Variants in BABAM2 observed in about 807,000 individuals in gnomAD.
The protein encoded by BABAM2 is BRISC and BRCA1-A complex member 2.
Under a neutral mutation model 54.7 loss-of-function variants are expected in BABAM2, and 31 were observed. The ratio of observed to expected loss-of-function variants is 0.57; its 90% CI spans 0.43 to 0.77. BABAM2 has a LOEUF of 0.77. BABAM2 is among the 30% of genes least tolerant of loss of function. The pLI is 0.00. For synonymous variants in BABAM2, 167 were observed against 162.9 expected, an observed-to-expected ratio of 1.03 and a Z score of -0.19; for missense variants, 364 against 455.8, an observed-to-expected ratio of 0.80 and a Z score of 1.83.
intron 7 of BABAM2, among the ~76,000 whole-genome samples, chr2:28,229,157 GA>G (rs889282749): frequency 2.0e-5 from 3 of 152,118 alleles, no homozygotes; most frequent in Admixed American, 2.0e-4. Flanking sequence ...GTCACATGTG[GA>G]ACCAGATGTC....
rs142091682 is a variant in BABAM2 at position 28,159,414 on chromosome 2, A to G, written c.680+30034A>G. On this transcript the variant is annotated intron_variant, in intron 7 of 11. Coordinates refer to ENST00000379624, the MANE Select transcript of BABAM2 (RefSeq NM_199191.3). ...CTGCTATGGAGTCCAAGAAGGACTC[A>G]AAGAAAGGGTGACATCTGAATAAGA... Among the ~76,000 whole-genome samples, 1,057 of 152,332 alleles carry G rather than the reference A, an allele frequency of 6.9e-3. 1 individual carries two copies. The highest frequency in any genetic ancestry group is 9.2e-3 in the Non-Finnish European group (625 of 68,012).
chr2:28,019,244 C>T (rs1675077248), intron 4 of BABAM2, among the ~76,000 whole-genome samples: 1 of 152,170 alleles, frequency 6.6e-6, no homozygotes, highest in Admixed American at 6.5e-5. Context: ...TTTATCCAGT[C>T]TATCATTGAT....
intron 11 of BABAM2, among the ~76,000 whole-genome samples, chr2:28,328,863 A>G (rs552289652): frequency 6.6e-6 from 1 of 152,332 alleles, no homozygotes; most frequent in East Asian, 1.9e-4. Flanking sequence ...CCCCGCTGCC[A>G]GTCCCCAACC....
intron 1 of BABAM2, among the ~76,000 whole-genome samples, chr2:27,893,234 A>G (rs1350158662): frequency 1.3e-5 from 2 of 152,198 alleles, no homozygotes; most frequent in African/African-American, 4.8e-5. Context: ...TTAGAAATCT[A>G]TTAAGAAGAA....
chr2:28,328,687 G>A (rs956499427), intron 11 of BABAM2, among the ~76,000 whole-genome samples: 3 of 152,190 alleles, frequency 2.0e-5, no homozygotes, highest in Non-Finnish European at 4.4e-5. Flanking sequence ...CGTCCACGGG[G>A]CCGGGCTCTA....
At chr2:28,233,278 A>G in intron 7 of BABAM2, 1 of 471,222 alleles carries the variant, frequency 2.1e-6, no homozygotes, top group Non-Finnish European at 4.4e-6. Flanking sequence ...TTAGTGGGTT[A>G]GTCAGGCCCT....
intron 6 of BABAM2, among the ~76,000 whole-genome samples, chr2:28,069,086 A>G (rs546795600): frequency 6.6e-6 from 1 of 152,232 alleles, no homozygotes; most frequent in African/African-American, 2.4e-5. Flanking sequence ...ATCATCATCT[A>G]TTAGCCTGTT....
At chr2:28,315,421 T>C (rs1488420272) in intron 11 of BABAM2, among the ~76,000 whole-genome samples, 2 of 110,180 alleles carry the variant, frequency 1.8e-5, no homozygotes, top group African/African-American at 3.7e-5. Flanking sequence ...GTGTGGTTCT[T>C]TTTTCTTTTC....
intron 7 of BABAM2, among the ~76,000 whole-genome samples, chr2:28,182,627 C>A (rs1454756200): frequency 6.6e-6 from 1 of 152,150 alleles, no homozygotes; most frequent in Non-Finnish European, 1.5e-5. Flanking sequence ...GGGTTCCCAG[C>A]CTTGAGAAGA....
At chr2:28,193,601 G>C (rs916874135) in intron 7 of BABAM2, among the ~76,000 whole-genome samples, 2 of 152,150 alleles carry the variant, frequency 1.3e-5, no homozygotes, top group Non-Finnish European at 2.9e-5. Context: ...TTGTTCTCCT[G>C]CTCTGGATCC....
intron 11 of BABAM2, among the ~76,000 whole-genome samples, chr2:28,301,867 T>C (rs1688132059): frequency 6.6e-6 from 1 of 152,266 alleles, no homozygotes; most frequent in African/African-American, 2.4e-5. Flanking sequence ...TATATATCTT[T>C]TTTTAAAATT....
chr2:27,926,383 A>T (rs1667708316), intron 2 of BABAM2, among the ~76,000 whole-genome samples: 1 of 152,070 alleles, frequency 6.6e-6, no homozygotes, highest in Non-Finnish European at 1.5e-5. Context: ...TTTCTTCCCC[A>T]GATGTACCAA....
intron 7 of BABAM2, among the ~76,000 whole-genome samples, chr2:28,151,475 G>A (rs1413517971): frequency 6.6e-6 from 1 of 152,228 alleles, no homozygotes; most frequent in East Asian, 1.9e-4. Context: ...GAAGACTGAG[G>A]CAGAAGAATC....
At chr2:28,159,347 G>A (rs914758177) in intron 7 of BABAM2, among the ~76,000 whole-genome samples, 2 of 152,194 alleles carry the variant, frequency 1.3e-5, no homozygotes, top group African/African-American at 2.4e-5. Context: ...AGGTGTGCAC[G>A]TAGAACCATA....
chr2:27,892,213 A>G (rs769762165), intron 1 of BABAM2, among the ~76,000 whole-genome samples: 4 of 152,252 alleles, frequency 2.6e-5, no homozygotes, highest in South Asian at 2.1e-4. Flanking sequence ...TTAATTTTCT[A>G]TTTGTCAAGT....
At chr2:27,953,497 G>T (rs1669886796) in intron 3 of BABAM2, among the ~76,000 whole-genome samples, 1 of 151,962 alleles carries the variant, frequency 6.6e-6, no homozygotes, top group South Asian at 2.1e-4. Flanking sequence ...TCTATATGTT[G>T]CCCAGGCTGG....
intron 6 of BABAM2, among the ~76,000 whole-genome samples, chr2:28,083,972 T>C (rs1025198157): frequency 6.6e-6 from 1 of 152,202 alleles, no homozygotes; most frequent in Non-Finnish European, 1.5e-5. Context: ...TTTAGTAACA[T>C]TTTGTTATTA....
chr2:28,246,876 G>T (rs141034748), intron 10 of BABAM2, among the ~76,000 whole-genome samples: 8 of 152,180 alleles, frequency 5.3e-5, no homozygotes, highest in African/African-American at 1.7e-4. Flanking sequence ...CTGCCAACTC[G>T]TTTGTCAGTA....
At chr2:27,932,149 T>C (rs1668141912) in intron 3 of BABAM2, among the ~76,000 whole-genome samples, 1 of 152,170 alleles carries the variant, frequency 6.6e-6, no homozygotes, top group Non-Finnish European at 1.5e-5. Context: ...TGGCACCCAT[T>C]CTCAAATAAC....
Sources: gnomAD v4.1 joint callset for allele counts (sites outside exome capture counted in the v4.1 genomes callset) on GRCh38, gnomAD v4.1.1 for gene constraint, MANE v1.5 for transcripts, NCBI Gene and HGNC (gene_info 2026-07-23, HGNC 2026-07-21) for gene names.